ADAMTS16: variants seen among roughly 807,000 people sequenced by gnomAD.
ADAMTS16 encodes ADAM metallopeptidase with thrombospondin type 1 motif 16.
Under a neutral mutation model 145.8 loss-of-function variants are expected in ADAMTS16, and 94 were observed. The ratio of observed to expected loss-of-function variants is 0.64; its 90% CI spans 0.55 to 0.77. The LOEUF (loss-of-function observed/expected upper bound fraction) is 0.77. Ranked by LOEUF, ADAMTS16 falls within the 30% of genes least tolerant of loss-of-function variation. The pLI is 0.00. For missense variants in ADAMTS16, 1,585 were observed against 1,591.5 expected, an observed-to-expected ratio of 1.00 and a Z score of 0.07; for synonymous variants, 659 against 604.3, an observed-to-expected ratio of 1.09 and a Z score of -1.33.
chr5:5,173,342 T>G (rs917251063), intron 3 of ADAMTS16, among the ~76,000 whole-genome samples: 2 of 152,252 alleles, frequency 1.3e-5, no homozygotes, highest in African/African-American at 4.8e-5. Context: ...CCTTCTTGTC[T>G]TCCTTTTAGT....
chr5:5,227,518 TG>T (rs1579324927), intron 11 of ADAMTS16, among the ~76,000 whole-genome samples: 2 of 34,036 alleles, frequency 5.9e-5, no homozygotes, highest in East Asian at 3.8e-4. Context: ...TGTGTGTGTG[TG>T]TGTGTGTGTG....
Position 5,235,095 on chromosome 5 carries a change from T to C in ADAMTS16, c.1932T>C (p.Ser644=). Residue 644 remains serine, a synonymous_variant, in exon 13 of 23, where the codon AGT becomes AGC. Transcript: ENST00000274181. ...ACAGTCAGAAATGTCCCCGGGACAG[T>C]GTTGACTTCCGTGCTGCTCAGTGTG... is the stretch of plus-strand genomic sequence containing the variant. ...LCNSQKCPRD[S]VDFRAAQCAE... 1 of 1,608,150 alleles carries C rather than the reference T, an allele frequency of 6.2e-7. No homozygotes were observed. Among genetic ancestry groups the C allele is most frequent in the Non-Finnish European group, 8.5e-7 (1 of 1,175,168 alleles).
intron 10 of ADAMTS16, 118 bp downstream of exon 10, chr5:5,209,364 A>G: frequency 8.0e-7 from 1 of 1,243,232 alleles, no homozygotes; most frequent in Non-Finnish European, 1.1e-6. Flanking sequence ...CAAATCCTGT[A>G]TGTTAAGGCT....
At chr5:5,248,407 G>C (rs2964421) in intron 17 of ADAMTS16, among the ~76,000 whole-genome samples, 151,431 of 152,368 alleles carry the variant, frequency 0.99, 75,254 homozygotes, top group Middle Eastern at 1. Flanking sequence ...CACCCCATGG[G>C]CAGGGTTTGT....
At chr5:5,271,713 G>A (rs944782243) in intron 18 of ADAMTS16, among the ~76,000 whole-genome samples, 1 of 152,162 alleles carries the variant, frequency 6.6e-6, no homozygotes, top group African/African-American at 2.4e-5. Context: ...CTTTCCAGAT[G>A]GTAAATGGAG....
At position 5,228,556 on chromosome 5, in the gene ADAMTS16, G is replaced by A. The variant is rs556722889; in HGVS notation, c.1702-3812G>A. 4.6e-5 allele frequency among the ~76,000 whole-genome samples: 7 copies of A among 152,062 alleles called. 1 individual carries two copies. Among genetic ancestry groups the A allele is most frequent in the African/African-American group, 1.7e-4 (7 of 41,492 alleles). Reference sequence around the variant, plus strand: ...CACAAAAGCTCTATTTACCAACTCAGTAACAATAACCACCCTTCAAACAGA... The same window carrying A: ...CACAAAAGCTCTATTTACCAACTCAATAACAATAACCACCCTTCAAACAGA... On this transcript the variant is annotated intron_variant, in intron 11 of 22. Transcript: ENST00000274181.
chr5:5,235,905 A>G (rs757134099), intron 13 of ADAMTS16, among the ~76,000 whole-genome samples: 10 of 152,218 alleles, frequency 6.6e-5, no homozygotes, highest in Non-Finnish European at 1.5e-4. Context: ...CAGTGCATAC[A>G]GTGTTTTCAC....
At chr5:5,308,164 A>G (rs1186252329) in intron 21 of ADAMTS16, among the ~76,000 whole-genome samples, 1 of 152,064 alleles carries the variant, frequency 6.6e-6, no homozygotes, top group Non-Finnish European at 1.5e-5. Flanking sequence ...CCTTTCCCGC[A>G]TCCTCCGTGG....
At chr5:5,221,586 CTG>C (rs1406490322) in intron 10 of ADAMTS16, among the ~76,000 whole-genome samples, 1 of 152,204 alleles carries the variant, frequency 6.6e-6, no homozygotes, top group African/African-American at 2.4e-5. Context: ...AATTAAAACA[CTG>C]AACGTTTACT....
chr5:5,293,189 C>T (rs555662816), intron 18 of ADAMTS16, among the ~76,000 whole-genome samples: 1 of 152,328 alleles, frequency 6.6e-6, no homozygotes, highest in East Asian at 1.9e-4. Context: ...TAATTCCTAA[C>T]ATTTTTCTGA....
intron 10 of ADAMTS16, among the ~76,000 whole-genome samples, chr5:5,213,660 C>CT (rs1736337404): frequency 1.3e-5 from 2 of 152,142 alleles, no homozygotes; most frequent in South Asian, 4.1e-4. Flanking sequence ...GTAGCCGGTA[C>CT]TCTCGTGTGT....
At chr5:5,178,899 G>T (rs538157166) in intron 3 of ADAMTS16, among the ~76,000 whole-genome samples, 5 of 152,074 alleles carry the variant, frequency 3.3e-5, no homozygotes, top group Admixed American at 1.3e-4. Context: ...TTGTGTTTGG[G>T]ATGATTGTGG....
intron 10 of ADAMTS16, among the ~76,000 whole-genome samples, chr5:5,221,050 C>G (rs1307415575): frequency 6.6e-6 from 1 of 152,108 alleles, no homozygotes; most frequent in Non-Finnish European, 1.5e-5. Context: ...CAATCTCTCT[C>G]CCTAGTCTCC....
chr5:5,318,872 C>T, intron 22 of ADAMTS16, 151 bp from the exon 23 acceptor site: 1 of 608,034 alleles, frequency 1.6e-6, no homozygotes, highest in South Asian at 2.0e-5. Flanking sequence ...TAATAGGTTC[C>T]ACGGGACCCC....
chr5:5,240,429 G>T (rs1169174708), intron 16 of ADAMTS16, among the ~76,000 whole-genome samples: 4 of 152,208 alleles, frequency 2.6e-5, no homozygotes, highest in Non-Finnish European at 5.9e-5. Flanking sequence ...CCCCTGAACC[G>T]AGCAGTTCTG....
In ADAMTS16 at chr5:5,225,525, C is replaced by G. The variant is rs138525904; in HGVS notation, c.1701+2641C>G. The stretch of plus-strand genomic sequence containing the variant: ...GGCTGAGGCAGGAGAATAACTTGAA[C>G]CCGGAGACGGAGGTTGCAGTGAGCT... On this transcript the variant is annotated intron_variant, in intron 11 of 22. Coordinates refer to ENST00000274181, the MANE Select transcript of ADAMTS16 (RefSeq NM_139056.4). Among the ~76,000 whole-genome samples, 940 of 152,052 alleles carry G rather than the reference C, an allele frequency of 6.2e-3. 5 individuals carry two copies. Among genetic ancestry groups the G allele is most frequent in the African/African-American group, 0.021 (867 of 41,458 alleles).
intron 8 of ADAMTS16, among the ~76,000 whole-genome samples, chr5:5,197,161 T>G (rs1735827548): frequency 2.0e-5 from 3 of 152,244 alleles, no homozygotes; most frequent in Non-Finnish European, 4.4e-5. Context: ...TTTAAGAATG[T>G]CTCATGTCCT....
At chr5:5,263,938 G>T (rs556817537) in intron 18 of ADAMTS16, among the ~76,000 whole-genome samples, 2 of 152,234 alleles carry the variant, frequency 1.3e-5, no homozygotes, top group East Asian at 3.9e-4. Context: ...TGAGGGCGGA[G>T]AATTTTATCA....
chr5:5,235,230 A>T (rs1560961240), intron 13 of ADAMTS16, 44 bp downstream of exon 13: 2 of 1,459,886 alleles, frequency 1.4e-6, no homozygotes, highest in East Asian at 2.4e-5. Context: ...ATGCTTTACT[A>T]CCTTTACTTT....
Sources: gnomAD v4.1 joint callset for allele counts (sites outside exome capture counted in the v4.1 genomes callset) on GRCh38, gnomAD v4.1.1 for gene constraint, MANE v1.5 for transcripts, NCBI Gene and HGNC (gene_info 2026-07-23, HGNC 2026-07-21) for gene names.